CCM2: variants seen among roughly 807,000 people sequenced by gnomAD.
CCM2 encodes CCM2 scaffold protein.
In CCM2, 25 loss-of-function variants were observed where a neutral mutation model predicts 44.9. The observed-to-expected ratio is 0.56, with a 90% CI of 0.41 to 0.78. The LOEUF is 0.78. CCM2 is among the 30% of genes least tolerant of loss of function. The probability of loss-of-function intolerance (pLI) is 0.00; values close to 1 mark genes in which losing one functional copy is unlikely to be tolerated. For missense variants in CCM2, 481 were observed against 580.6 expected (o/e 0.83, Z 1.76); for synonymous variants, 219 against 241.1 (o/e 0.91, Z 0.85).
chr7:45,008,655 C>G (rs983971052), intron 1 of CCM2, among the ~76,000 whole-genome samples: 1 of 152,164 alleles, frequency 6.6e-6, no homozygotes, highest in Non-Finnish European at 1.5e-5. Context: ...AGCCACCGCA[C>G]CCGGCCAAGG....
At chr7:45,061,791 T>TA (rs1422392064) in intron 2 of CCM2, among the ~76,000 whole-genome samples, 1 of 152,178 alleles carries the variant, frequency 6.6e-6, no homozygotes, top group African/African-American at 2.4e-5. Flanking sequence ...GGCCTGGTTA[T>TA]ACTTTTAAAT....
intron 2 of CCM2, among the ~76,000 whole-genome samples, chr7:45,044,165 G>T (rs557383568): frequency 4.7e-4 from 72 of 152,146 alleles, no homozygotes; most frequent in African/African-American, 1.6e-3. Flanking sequence ...ATGGAGTCTC[G>T]CTCTGTCGCC....
chr7:45,028,989 A>G (rs910212222), intron 1 of CCM2, among the ~76,000 whole-genome samples: 4 of 152,110 alleles, frequency 2.6e-5, no homozygotes, highest in African/African-American at 7.2e-5. Context: ...TCTCTCTGGG[A>G]CTATAGCCTA....
At chr7:45,016,544 G>A (rs1471522601) in intron 1 of CCM2, among the ~76,000 whole-genome samples, 3 of 151,640 alleles carry the variant, frequency 2.0e-5, no homozygotes, top group Middle Eastern at 3.4e-3. Flanking sequence ...TGGTCAGGCT[G>A]GTCTTGAACT....
intron 8 of CCM2, chr7:45,073,998 C>T (rs1393952535): frequency 1.1e-5 from 7 of 638,962 alleles, no homozygotes; most frequent in Non-Finnish European, 1.6e-5. Context: ...AACTTCCACC[C>T]TGCCCTGCTG....
intron 1 of CCM2, among the ~76,000 whole-genome samples, chr7:45,015,180 A>T (rs771012804): frequency 6.6e-6 from 1 of 152,344 alleles, no homozygotes; most frequent in African/African-American, 2.4e-5. Flanking sequence ...TGTATTAAAC[A>T]TTAGAGTTCA....
intron 2 of CCM2, among the ~76,000 whole-genome samples, chr7:45,045,480 C>A (rs1454979053): frequency 2.6e-5 from 4 of 152,098 alleles, no homozygotes; most frequent in Admixed American, 2.6e-4. Flanking sequence ...AATTCAGCAC[C>A]CATTCTTGAT....
chr7:45,006,333 C>T (rs372707656), intron 1 of CCM2, among the ~76,000 whole-genome samples: 44 of 146,114 alleles, frequency 3.0e-4, no homozygotes, highest in South Asian at 1.5e-3. Context: ...AAGATGGAGT[C>T]TTTTTTTTTT....
chr7:45,057,601 T>C (rs1798325781), intron 2 of CCM2, among the ~76,000 whole-genome samples: 1 of 152,190 alleles, frequency 6.6e-6, no homozygotes, highest in Non-Finnish European at 1.5e-5. Context: ...AAGCAGTATC[T>C]ACATTTGGTT....
At chr7:45,040,737 A>G (rs1218976029) in intron 2 of CCM2, among the ~76,000 whole-genome samples, 1 of 152,018 alleles carries the variant, frequency 6.6e-6, no homozygotes, top group African/African-American at 2.4e-5. Context: ...CTGTAATCCC[A>G]GCACTTTGGG....
chr7:45,067,438 C>T (rs1798836932), intron 4 of CCM2, among the ~76,000 whole-genome samples: 1 of 152,212 alleles, frequency 6.6e-6, no homozygotes, highest in African/African-American at 2.4e-5. Context: ...GCTGGGATTA[C>T]AGCCATGAGC....
chr7:45,073,404 T>C, intron 7 of CCM2, 56 bp from the exon 8 acceptor site: 1 of 1,183,924 alleles, frequency 8.4e-7, no homozygotes, highest in Non-Finnish European at 1.3e-6. Context: ...TCCTGAAACG[T>C]GTGTGGGATG....
chr7:45,036,264 A>C (rs114977829), intron 1 of CCM2, among the ~76,000 whole-genome samples: 1 of 152,154 alleles, frequency 6.6e-6, no homozygotes. Flanking sequence ...GTTTTTATTG[A>C]AAGAGCTTCC....
intron 2 of CCM2, among the ~76,000 whole-genome samples, chr7:45,059,182 G>A (rs1008422687): frequency 4.6e-5 from 7 of 152,090 alleles, no homozygotes; most frequent in South Asian, 2.1e-4. Context: ...CCCCCGCTAC[G>A]ATTGATATTT....
chr7:45,068,314 C>A, intron 4 of CCM2, 129 bp from the exon 5 acceptor site: 1 of 1,190,228 alleles, frequency 8.4e-7, no homozygotes, highest in Non-Finnish European at 1.2e-6. Flanking sequence ...TCACCTGAGT[C>A]GTTCTGTGGG....
chr7:45,054,021 A>T (rs1277462057), intron 2 of CCM2, among the ~76,000 whole-genome samples: 3 of 152,090 alleles, frequency 2.0e-5, no homozygotes, highest in Non-Finnish European at 4.4e-5. Context: ...ATGCTGTGTT[A>T]TAGTACATGC....
chr7:45,023,192 G>T (rs1424725331), intron 1 of CCM2, among the ~76,000 whole-genome samples: 1 of 152,066 alleles, frequency 6.6e-6, no homozygotes, highest in Non-Finnish European at 1.5e-5. Flanking sequence ...CCATAGTTTA[G>T]CTCCCACTTA....
intron 1 of CCM2, among the ~76,000 whole-genome samples, chr7:45,011,857 G>A (rs1796079460): frequency 6.6e-6 from 1 of 152,104 alleles, no homozygotes; most frequent in Non-Finnish European, 1.5e-5. Context: ...CCCTGCCCTG[G>A]CTAACTTTTT....
intron 2 of CCM2, among the ~76,000 whole-genome samples, chr7:45,040,159 C>T (rs976446734): frequency 1.3e-5 from 2 of 151,858 alleles, no homozygotes; most frequent in Admixed American, 6.6e-5. Context: ...CTTTGGGAGG[C>T]CAATCACGAG....
Sources: gnomAD v4.1 joint callset for allele counts (sites outside exome capture counted in the v4.1 genomes callset) on GRCh38, gnomAD v4.1.1 for gene constraint, MANE v1.5 for transcripts, NCBI Gene and HGNC (gene_info 2026-07-23, HGNC 2026-07-21) for gene names.